Variants in FHIT observed in about 807,000 individuals in gnomAD.
FHIT encodes bis(5'-adenosyl)-triphosphatase.
A neutral mutation model predicts 17.9 loss-of-function variants in FHIT; 19 were observed. The observed-to-expected ratio is 1.06, with a 90% CI of 0.74 to 1.56. The LOEUF is 1.56. Among genes scored for constraint, FHIT ranks in the 40% most tolerant of loss-of-function variants. The pLI is 0.00. For synonymous variants in FHIT, 81 were observed against 69.7 expected (o/e 1.16, Z -0.81); for missense variants, 248 against 189.2 (o/e 1.31, Z -1.82).
At chr3:60,431,847 T>G (rs1203025522) in intron 5 of FHIT, among the ~76,000 whole-genome samples, 1 of 152,064 alleles carries the variant, frequency 6.6e-6, no homozygotes, top group Admixed American at 6.6e-5. Context: ...GAGACAAAAT[T>G]AACTGTTGCC....
chr3:61,240,033 T>A (rs1281672835), intron 1 of FHIT, among the ~76,000 whole-genome samples: 2 of 151,952 alleles, frequency 1.3e-5, no homozygotes, highest in Admixed American at 1.3e-4. Context: ...CAAACACAGC[T>A]AACACCTCTA....
At chr3:60,407,067 A>ATT (rs34542104) in intron 5 of FHIT, among the ~76,000 whole-genome samples, 3,904 of 62,890 alleles carry the variant, frequency 0.062, 496 homozygotes, top group African/African-American at 0.083. Flanking sequence ...CCTGCCAATA[A>ATT]TTTTTTTTTT....
At chr3:60,747,005 A>T (rs2042370431) in intron 4 of FHIT, among the ~76,000 whole-genome samples, 1 of 152,120 alleles carries the variant, frequency 6.6e-6, no homozygotes, top group Non-Finnish European at 1.5e-5. Context: ...ACCAGGCATG[A>T]TTAACAGTAG....
intron 5 of FHIT, among the ~76,000 whole-genome samples, chr3:60,220,935 G>A (rs191406025): frequency 1.3e-5 from 2 of 152,288 alleles, no homozygotes; most frequent in East Asian, 1.9e-4. Context: ...CTAGAGCAAC[G>A]TGTGGGGATT....
intron 3 of FHIT, among the ~76,000 whole-genome samples, chr3:60,924,711 T>C (rs1415366683): frequency 6.6e-6 from 1 of 152,072 alleles, no homozygotes; most frequent in Non-Finnish European, 1.5e-5. Flanking sequence ...GGACGGAGAA[T>C]GACTTTGACG....
chr3:60,711,447 G>A (rs1389882875), intron 4 of FHIT, among the ~76,000 whole-genome samples: 1 of 152,216 alleles, frequency 6.6e-6, no homozygotes, highest in Non-Finnish European at 1.5e-5. Context: ...CAAGTTGAGA[G>A]AAGAAGTCTT....
intron 5 of FHIT, among the ~76,000 whole-genome samples, chr3:60,499,499 C>G (rs765384814): frequency 6.6e-6 from 1 of 152,116 alleles, no homozygotes; most frequent in Non-Finnish European, 1.5e-5. Context: ...TCACGCGACT[C>G]TCCTGCCTCA....
intron 7 of FHIT, among the ~76,000 whole-genome samples, chr3:59,926,127 T>C (rs1472463833): frequency 6.6e-6 from 1 of 152,154 alleles, no homozygotes; most frequent in East Asian, 1.9e-4. Context: ...ACACCAAAAA[T>C]GTTTTCATGG....
At position 59,992,758 on chromosome 3, in the gene FHIT, C is replaced by T. The variant is rs1699339654; in HGVS notation, c.279+18613G>A. 1.3e-5 allele frequency among the ~76,000 whole-genome samples: 2 copies of T among 152,046 alleles called. 1 individual carries two copies. The highest frequency in any genetic ancestry group is 4.1e-4 in the South Asian group (2 of 4,828). On this transcript the variant is annotated intron_variant, in intron 7 of 9. Transcript: ENST00000492590. Reference sequence around the variant, plus strand: ...ATACAGCTGTCATCTGTGCCACAGACATTGACATGCAGCTTAGTCACAGAA... The same window carrying T: ...ATACAGCTGTCATCTGTGCCACAGATATTGACATGCAGCTTAGTCACAGAA...
chr3:59,951,631 C>G (rs1189597618), intron 7 of FHIT, among the ~76,000 whole-genome samples: 2 of 152,150 alleles, frequency 1.3e-5, no homozygotes, highest in Non-Finnish European at 2.9e-5. Context: ...ACCCCACCAT[C>G]TTGGTGAGCT....
chr3:60,741,214 C>T (rs1334137466), intron 4 of FHIT, among the ~76,000 whole-genome samples: 2 of 152,322 alleles, frequency 1.3e-5, no homozygotes, highest in Middle Eastern at 3.4e-3. Context: ...TTCTAGCCAG[C>T]TCCTCAAAAT....
intron 4 of FHIT, among the ~76,000 whole-genome samples, chr3:60,744,263 C>CAAAAAAAAAAAAAAA (rs1201886354): frequency 1.2e-5 from 1 of 85,986 alleles, no homozygotes; most frequent in Non-Finnish European, 2.3e-5. Context: ...AAAAACAAAA[C>CAAAAAAAAAAAAAAA]AAAACAAAAA....
chr3:60,997,562 G>C (rs1392155760), intron 3 of FHIT, among the ~76,000 whole-genome samples: 1 of 152,084 alleles, frequency 6.6e-6, no homozygotes. Context: ...ACTGGCTCTA[G>C]TTTGCCAGTG....
At chr3:60,077,392 TA>T (rs1378287361) in intron 5 of FHIT, 1 of 151,946 alleles carries the variant, frequency 6.6e-6, no homozygotes, top group Non-Finnish European at 1.5e-5. Flanking sequence ...TCTTGGTTTC[TA>T]AATACCATTC....
chr3:59,960,001 A>G (rs11707548), intron 7 of FHIT, among the ~76,000 whole-genome samples: 5,963 of 152,296 alleles, frequency 0.039, 469 homozygotes, highest in East Asian at 0.33. Context: ...GCCAGAGCAC[A>G]TCGAGCAGGT....
intron 8 of FHIT, among the ~76,000 whole-genome samples, chr3:59,846,394 C>A (rs1387437939): frequency 6.6e-6 from 1 of 152,026 alleles, no homozygotes; most frequent in Non-Finnish European, 1.5e-5. Context: ...ACATTATACC[C>A]TCCCCTTTCT....
At position 60,222,251 on chromosome 3, in the gene FHIT, G is replaced by C. The variant is rs57823801; in HGVS notation, c.104-208099C>G. ...TCATTCATTCATTCATTCTGAGCCA[G>C]GATTCAAGTCCTAGTCCCTCTTACT... On this transcript the variant is annotated intron_variant, in intron 5 of 9. Coordinates refer to ENST00000492590, the MANE Select transcript of FHIT (RefSeq NM_002012.4). 3.6e-3 allele frequency among the ~76,000 whole-genome samples: 550 copies of C among 152,134 alleles called. 2 individuals carry two copies. Among genetic ancestry groups the C allele is most frequent in the African/African-American group, 0.012 (514 of 41,480 alleles).
intron 5 of FHIT, among the ~76,000 whole-genome samples, chr3:60,288,376 C>A (rs923984862): frequency 6.6e-6 from 1 of 152,116 alleles, no homozygotes; most frequent in Admixed American, 6.6e-5. Context: ...TGGAAGCCAC[C>A]TGGAAGGCTG....
intron 4 of FHIT, among the ~76,000 whole-genome samples, chr3:60,668,903 A>G (rs1559627140): frequency 6.6e-6 from 1 of 152,120 alleles, no homozygotes; most frequent in Non-Finnish European, 1.5e-5. Flanking sequence ...TGTCTCTTGT[A>G]CCATTACCAG....
Sources: gnomAD v4.1 joint callset for allele counts (sites outside exome capture counted in the v4.1 genomes callset) on GRCh38, gnomAD v4.1.1 for gene constraint, MANE v1.5 for transcripts, NCBI Gene and HGNC (gene_info 2026-07-23, HGNC 2026-07-21) for gene names.